Variants in GPR149 observed in about 807,000 individuals in gnomAD.
GPR149 encodes G protein-coupled receptor 149, also known as probable G protein-coupled receptor 149.
A neutral mutation model predicts 50.2 loss-of-function variants in GPR149; 50 were observed. That is an observed-to-expected ratio of 1.00 (90% CI 0.79 to 1.26). GPR149 has a LOEUF of 1.26. Ranked by LOEUF, GPR149 falls within the 50% of genes most tolerant of loss-of-function variation. The pLI is 0.00. For missense variants in GPR149, 983 were observed against 895.4 expected (o/e 1.10, Z -1.25); for synonymous variants, 405 against 358.2 (o/e 1.13, Z -1.48).
Position 154,337,355 on chromosome 3 carries a change from A to G in GPR149, c.*344T>C, listed in dbSNP as rs912616119. 6.6e-6 allele frequency among the ~76,000 whole-genome samples: 1 copy of G among 152,196 alleles called. No homozygotes were observed. The highest frequency in any genetic ancestry group is 2.4e-5 in the African/African-American group (1 of 41,456). ...CAACATTGTATATAGAAACATATGC[A>G]TGGAACAGTATATTCACTGAGTTTA... On this transcript the variant is annotated 3_prime_UTR_variant, in exon 4 of 4. Transcript: ENST00000389740.
intron 3 of GPR149, among the ~76,000 whole-genome samples, chr3:154,343,918 G>T (rs1226790898): frequency 2.6e-5 from 4 of 151,974 alleles, no homozygotes; most frequent in Non-Finnish European, 5.9e-5. Context: ...GATAGAGGCT[G>T]CAGTGAGCCA....
intron 2 of GPR149, among the ~76,000 whole-genome samples, chr3:154,422,315 A>G (rs1194222948): frequency 6.6e-6 from 1 of 151,632 alleles, no homozygotes; most frequent in East Asian, 1.9e-4. Context: ...ACAGAAAGTG[A>G]TACAATTTTT....
intron 3 of GPR149, among the ~76,000 whole-genome samples, chr3:154,416,188 T>C: frequency 6.6e-6 from 1 of 151,900 alleles, no homozygotes; most frequent in Non-Finnish European, 1.5e-5. Flanking sequence ...CCTTATACTT[T>C]ATGGGTCGTA....
intron 3 of GPR149, among the ~76,000 whole-genome samples, chr3:154,351,952 T>C (rs947267310): frequency 6.6e-6 from 1 of 152,144 alleles, no homozygotes; most frequent in African/African-American, 2.4e-5. Flanking sequence ...AATTCAAAGG[T>C]ATAACTGAAT....
At chr3:154,409,467 G>T (rs1487696313) in intron 3 of GPR149, among the ~76,000 whole-genome samples, 4 of 151,872 alleles carry the variant, frequency 2.6e-5, no homozygotes, top group Admixed American at 1.3e-4. Context: ...CCAACTTCAA[G>T]AAATCAAAAA....
intron 3 of GPR149, among the ~76,000 whole-genome samples, chr3:154,356,124 T>C (rs975743084): frequency 6.6e-6 from 1 of 152,162 alleles, no homozygotes; most frequent in Admixed American, 6.5e-5. Flanking sequence ...CTAAAACTGA[T>C]TTATGGTGAT....
intron 3 of GPR149, among the ~76,000 whole-genome samples, chr3:154,362,851 A>G (rs1714445387): frequency 6.6e-6 from 1 of 152,304 alleles, no homozygotes; most frequent in South Asian, 2.1e-4. Flanking sequence ...CAAGTCCTAT[A>G]TAACCTGGAT....
chr3:154,360,229 T>A (rs1559974107), intron 3 of GPR149, among the ~76,000 whole-genome samples: 1 of 152,146 alleles, frequency 6.6e-6, no homozygotes, highest in Non-Finnish European at 1.5e-5. Context: ...TTACAAACAG[T>A]TTCAGGGGGT....
intron 3 of GPR149, among the ~76,000 whole-genome samples, chr3:154,343,457 G>A (rs1713851351): frequency 6.6e-6 from 1 of 152,156 alleles, no homozygotes; most frequent in Admixed American, 6.5e-5. Context: ...AGGAGGTAGG[G>A]GTAGGGTACT....
chr3:154,371,428 G>A (rs1299392887), intron 3 of GPR149, among the ~76,000 whole-genome samples: 2 of 152,170 alleles, frequency 1.3e-5, no homozygotes, highest in African/African-American at 4.8e-5. Context: ...CCACACGTGA[G>A]CCCTTATTGT....
At chr3:154,378,093 T>C (rs1714835525) in intron 3 of GPR149, among the ~76,000 whole-genome samples, 1 of 145,398 alleles carries the variant, frequency 6.9e-6, no homozygotes, top group African/African-American at 2.5e-5. Context: ...CCCCCCTTTT[T>C]TTTTTTTTGA....
chr3:154,412,221 A>G (rs914359090), intron 3 of GPR149, among the ~76,000 whole-genome samples: 1 of 152,156 alleles, frequency 6.6e-6, no homozygotes, highest in Non-Finnish European at 1.5e-5. Flanking sequence ...AAAGCCATCT[A>G]TGACAAATCC....
intron 3 of GPR149, among the ~76,000 whole-genome samples, chr3:154,397,094 G>A (rs1399130682): frequency 6.6e-6 from 1 of 152,108 alleles, no homozygotes; most frequent in Admixed American, 6.6e-5. Flanking sequence ...CTGAATTAGA[G>A]CTTGAATTTG....
At chr3:154,419,142 A>G (rs554357355) in intron 3 of GPR149, among the ~76,000 whole-genome samples, 52 of 152,094 alleles carry the variant, frequency 3.4e-4, no homozygotes, top group Non-Finnish European at 5.7e-4. Flanking sequence ...AGACTTGATC[A>G]TCACAGTTGT....
intron 3 of GPR149, among the ~76,000 whole-genome samples, chr3:154,401,970 A>G (rs7633023): frequency 0.05 from 7,657 of 152,288 alleles, 630 homozygotes; most frequent in African/African-American, 0.17. Context: ...AGCTAATGCC[A>G]TCAAGTCAAG....
At chr3:154,426,095 T>C (rs9819657) in intron 2 of GPR149, among the ~76,000 whole-genome samples, 73,404 of 151,986 alleles carry the variant, frequency 0.48, 18,137 homozygotes, top group African/African-American at 0.6. Context: ...CTTTATGTTA[T>C]ATGTTTTTAT....
intron 3 of GPR149, chr3:154,352,346 A>G (rs1277762719): frequency 8.9e-7 from 1 of 1,125,360 alleles, no homozygotes; most frequent in African/African-American, 1.5e-5. Flanking sequence ...TGTTTCCATC[A>G]TAATATTCTT....
At chr3:154,393,541 G>T (rs955133529) in intron 3 of GPR149, among the ~76,000 whole-genome samples, 4 of 151,854 alleles carry the variant, frequency 2.6e-5, no homozygotes. Context: ...GCCCACTCTC[G>T]CTACTTTTAT....
intron 3 of GPR149, among the ~76,000 whole-genome samples, chr3:154,420,133 A>C (rs973366340): frequency 1.9e-4 from 29 of 152,146 alleles, no homozygotes; most frequent in Admixed American, 6.6e-4. Context: ...ATCAATGAGT[A>C]CATTACTCCT....
Sources: gnomAD v4.1 joint callset for allele counts (sites outside exome capture counted in the v4.1 genomes callset) on GRCh38, gnomAD v4.1.1 for gene constraint, MANE v1.5 for transcripts, NCBI Gene and HGNC (gene_info 2026-07-23, HGNC 2026-07-21) for gene names.